LOC400499: variants seen among roughly 807,000 people sequenced by gnomAD.
the LOC400499 span, chr16:11,399,732 C>G: frequency 2.5e-6 from 1 of 398,854 alleles, no homozygotes; most frequent in Non-Finnish European, 4.4e-6. Context: ...GGCAGCCGTC[C>G]CAGGCGGTGC....
the LOC400499 span, among the ~76,000 whole-genome samples, chr16:11,423,524 G>C: frequency 6.6e-6 from 1 of 152,278 alleles, no homozygotes; most frequent in South Asian, 2.1e-4. Flanking sequence ...GGAGGTGGCA[G>C]ATGAGGAAAC....
the LOC400499 span, among the ~76,000 whole-genome samples, chr16:11,453,506 A>G: frequency 6.6e-6 from 1 of 152,186 alleles, no homozygotes; most frequent in African/African-American, 2.4e-5. Context: ...AAGAGAAGAC[A>G]ATTGCATTCA....
At chr16:11,424,290 C>G in the LOC400499 span, 1 of 399,410 alleles carries the variant, frequency 2.5e-6, no homozygotes, top group Non-Finnish European at 4.4e-6. Context: ...GCGTGCTGAG[C>G]AGTTGGAAGC....
At chr16:11,467,980 A>G in the LOC400499 span, among the ~76,000 whole-genome samples, 1 of 152,096 alleles carries the variant, frequency 6.6e-6, no homozygotes, top group Admixed American at 6.6e-5. Context: ...AGGGAAGACT[A>G]TGGGAAGACA....
the LOC400499 span, among the ~76,000 whole-genome samples, chr16:11,415,532 T>C: frequency 0.15 from 22,769 of 152,178 alleles, 2,227 homozygotes; most frequent in African/African-American, 0.28. Context: ...GACATGCAGG[T>C]GGCCTCAGGA....
the LOC400499 span, among the ~76,000 whole-genome samples, chr16:11,436,332 G>T: frequency 7.2e-5 from 11 of 152,298 alleles, no homozygotes; most frequent in East Asian, 2.1e-3. Context: ...GAGGTTCAAA[G>T]AGGATGGCAT....
the LOC400499 span, chr16:11,384,961 G>C: frequency 8.1e-7 from 1 of 1,232,196 alleles, no homozygotes; most frequent in Non-Finnish European, 1.0e-6. Flanking sequence ...CCCCGTCCTC[G>C]CTGGCCAGCT....
At chr16:11,476,748 G>A in the LOC400499 span, 10 of 399,420 alleles carry the variant, frequency 2.5e-5, no homozygotes, top group South Asian at 1.3e-4. Flanking sequence ...CCTTCCTGCC[G>A]GCACTGGGCA....
At chr16:11,445,014 A>G in the LOC400499 span, among the ~76,000 whole-genome samples, 1 of 151,806 alleles carries the variant, frequency 6.6e-6, no homozygotes, top group Non-Finnish European at 1.5e-5. Flanking sequence ...ACTTAAGCCT[A>G]GGAGGACAAG....
chr16:11,451,534 G>A, the LOC400499 span, among the ~76,000 whole-genome samples: 2 of 151,052 alleles, frequency 1.3e-5, no homozygotes, highest in African/African-American at 2.4e-5. Flanking sequence ...CTGGGCAACA[G>A]AGGGAGACCC....
At chr16:11,484,469 T>C in the LOC400499 span, among the ~76,000 whole-genome samples, 2 of 152,104 alleles carry the variant, frequency 1.3e-5, no homozygotes, top group Non-Finnish European at 2.9e-5. Flanking sequence ...CAATTAGACC[T>C]CAATAAATCT....
chr16:11,491,678 CCA>C, the LOC400499 span: 7 of 394,700 alleles, frequency 1.8e-5, no homozygotes, highest in Non-Finnish European at 3.1e-5. Context: ...CACACCCCTC[CCA>C]CACACACACC....
chr16:11,396,351 T>A, the LOC400499 span: 1 of 683,478 alleles, frequency 1.5e-6, no homozygotes, highest in African/African-American at 1.9e-5. Context: ...CGACCCAGAA[T>A]GAAGCTCTGG....
the LOC400499 span, among the ~76,000 whole-genome samples, chr16:11,407,980 T>C: frequency 7.2e-6 from 1 of 139,638 alleles, no homozygotes; most frequent in Non-Finnish European, 1.5e-5. Context: ...GTTTTTTTTT[T>C]TTTTTTTTTT....
At chr16:11,423,352 T>G in the LOC400499 span, 8 of 398,420 alleles carry the variant, frequency 2.0e-5, no homozygotes, top group Non-Finnish European at 3.5e-5. Context: ...CCGCCACCCT[T>G]TGGGGAAGCC....
At chr16:11,439,072 C>T in the LOC400499 span, among the ~76,000 whole-genome samples, 1 of 152,166 alleles carries the variant, frequency 6.6e-6, no homozygotes, top group Non-Finnish European at 1.5e-5. Context: ...ACAGCCTGCT[C>T]AATGAAGCCA....
chr16:11,485,707 C>T, the LOC400499 span, among the ~76,000 whole-genome samples: 3 of 152,186 alleles, frequency 2.0e-5, no homozygotes, highest in Non-Finnish European at 2.9e-5. Context: ...TTCTTATGGA[C>T]CCCTCTCCTT....
chr16:11,467,913 A>C, the LOC400499 span, among the ~76,000 whole-genome samples: 1 of 152,148 alleles, frequency 6.6e-6, no homozygotes, highest in Non-Finnish European at 1.5e-5. Context: ...GTGAACCCTA[A>C]TCCCGTTTGC....
At chr16:11,487,135 A>G in the LOC400499 span, 24,751 of 396,918 alleles carry the variant, frequency 0.062, 1,768 homozygotes, top group East Asian at 0.26. Flanking sequence ...GGGTGACTAG[A>G]TATTAGGGGA....
Sources: allele counts gnomAD v4.1 joint callset (sites outside exome capture counted in the v4.1 genomes callset), GRCh38; gene constraint gnomAD v4.1.1; transcripts MANE v1.5.